ENTREP2: variants seen among roughly 807,000 people sequenced by gnomAD.
ENTREP2 encodes endosomal transmembrane epsin interactor 2, also known as protein ENTREP2.
the ENTREP2 span, among the ~76,000 whole-genome samples, chr15:29,154,281 G>C: frequency 6.9e-6 from 1 of 144,704 alleles, no homozygotes; most frequent in Admixed American, 6.9e-5. Context: ...CTTTTTTTTT[G>C]CCTCGTGGTG....
chr15:29,461,169 T>C, the ENTREP2 span, among the ~76,000 whole-genome samples: 3 of 152,196 alleles, frequency 2.0e-5, no homozygotes, highest in Admixed American at 6.6e-5. Flanking sequence ...CTCTGTGTGA[T>C]GTTTGTGATA....
chr15:29,634,160 C>G, the ENTREP2 span, among the ~76,000 whole-genome samples: 1 of 152,066 alleles, frequency 6.6e-6, no homozygotes. Flanking sequence ...ATGCCAAGTG[C>G]CTGCTGTAGG....
At chr15:29,186,103 TG>T in the ENTREP2 span, among the ~76,000 whole-genome samples, 1 of 152,122 alleles carries the variant, frequency 6.6e-6, no homozygotes, top group African/African-American at 2.4e-5. Context: ...CTAGAGTGAC[TG>T]GGGTACTTTA....
chr15:29,126,498 G>A, the ENTREP2 span: 1 of 1,549,748 alleles, frequency 6.5e-7, no homozygotes, highest in Admixed American at 2.0e-5. Flanking sequence ...GGTACTGCAA[G>A]AGAAGGGACA....
the ENTREP2 span, among the ~76,000 whole-genome samples, chr15:29,599,919 C>G: frequency 6.6e-6 from 1 of 152,054 alleles, no homozygotes; most frequent in East Asian, 1.9e-4. Flanking sequence ...GGTGCCTCAG[C>G]TCCCTACCTT....
At chr15:29,268,634 T>C in the ENTREP2 span, 1 of 617,842 alleles carries the variant, frequency 1.6e-6, no homozygotes, top group East Asian at 3.0e-5. Context: ...TAACACAACA[T>C]TAAAAAAACA....
At chr15:29,657,499 C>A in the ENTREP2 span, among the ~76,000 whole-genome samples, 4 of 113,400 alleles carry the variant, frequency 3.5e-5, no homozygotes, top group East Asian at 9.2e-4. Flanking sequence ...GGGGGGGTGG[C>A]CAGCTTTTAT....
the ENTREP2 span, among the ~76,000 whole-genome samples, chr15:29,409,960 C>T: frequency 6.6e-6 from 1 of 152,170 alleles, no homozygotes. Flanking sequence ...CTTCAGGGCT[C>T]CCAGGACCAA....
At chr15:29,300,560 A>T in the ENTREP2 span, among the ~76,000 whole-genome samples, 1 of 152,218 alleles carries the variant, frequency 6.6e-6, no homozygotes, top group Non-Finnish European at 1.5e-5. Flanking sequence ...ATGAACAATT[A>T]CCAAGATTTA....
chr15:29,169,838 C>G, the ENTREP2 span, among the ~76,000 whole-genome samples: 1 of 152,150 alleles, frequency 6.6e-6, no homozygotes, highest in South Asian at 2.1e-4. Context: ...AATATCACTT[C>G]TGTTCTACAC....
chr15:29,600,120 C>T, the ENTREP2 span, among the ~76,000 whole-genome samples: 2 of 152,172 alleles, frequency 1.3e-5, no homozygotes, highest in African/African-American at 4.8e-5. Flanking sequence ...TGGCACAATT[C>T]AGTTTGTTGA....
chr15:29,570,338 G>A, the ENTREP2 span, among the ~76,000 whole-genome samples: 32 of 151,836 alleles, frequency 2.1e-4, no homozygotes, highest in African/African-American at 7.5e-4. Flanking sequence ...GGGCCCTGGA[G>A]TTATTCTGCT....
At chr15:29,639,213 T>C in the ENTREP2 span, among the ~76,000 whole-genome samples, 1 of 152,244 alleles carries the variant, frequency 6.6e-6, no homozygotes, top group African/African-American at 2.4e-5. Flanking sequence ...TCTGCACTTC[T>C]TGTTCAAATG....
chr15:29,169,956 T>C, the ENTREP2 span, among the ~76,000 whole-genome samples: 1 of 152,276 alleles, frequency 6.6e-6, no homozygotes, highest in Admixed American at 6.5e-5. Flanking sequence ...GAAAACTCAA[T>C]AACATTTCCA....
the ENTREP2 span, among the ~76,000 whole-genome samples, chr15:29,631,592 AT>A: frequency 6.6e-6 from 1 of 152,166 alleles, no homozygotes; most frequent in Non-Finnish European, 1.5e-5. Flanking sequence ...TAATCTTTTG[AT>A]GTGTTGAACT....
the ENTREP2 span, among the ~76,000 whole-genome samples, chr15:29,670,716 C>G: frequency 5.3e-5 from 8 of 152,272 alleles, no homozygotes; most frequent in African/African-American, 1.9e-4. Flanking sequence ...CACAAAGGGC[C>G]TGCAGTGAGG....
At chr15:29,207,280 G>A in the ENTREP2 span, among the ~76,000 whole-genome samples, 2 of 152,154 alleles carry the variant, frequency 1.3e-5, no homozygotes, top group African/African-American at 2.4e-5. Flanking sequence ...GTTCCCGCCC[G>A]TGGCTTCCTG....
the ENTREP2 span, among the ~76,000 whole-genome samples, chr15:29,140,801 C>CA: frequency 1.3e-5 from 2 of 152,078 alleles, no homozygotes; most frequent in African/African-American, 2.4e-5. Flanking sequence ...AGGTGGAGGG[C>CA]AAAAAAGGGG....
At chr15:29,489,800 C>T in the ENTREP2 span, among the ~76,000 whole-genome samples, 1 of 152,122 alleles carries the variant, frequency 6.6e-6, no homozygotes, top group African/African-American at 2.4e-5. Context: ...GTCTGGGTAC[C>T]ATCGCTCAGC....
Sources: gnomAD v4.1 joint callset for allele counts (sites outside exome capture counted in the v4.1 genomes callset) on GRCh38, gnomAD v4.1.1 for gene constraint, MANE v1.5 for transcripts, NCBI Gene and HGNC (gene_info 2026-07-23, HGNC 2026-07-21) for gene names.